ZCCHC8: variants seen among roughly 807,000 people sequenced by gnomAD.
The protein encoded by ZCCHC8 is zinc finger CCHC-type containing 8.
In ZCCHC8, 27 loss-of-function variants were observed where a neutral mutation model predicts 70.6. The observed-to-expected ratio is 0.38, with a 90% CI of 0.28 to 0.53. ZCCHC8 has a LOEUF of 0.53. Among genes scored for constraint, ZCCHC8 ranks in the 20% least tolerant of loss-of-function variants. The pLI, the probability that ZCCHC8 is intolerant of heterozygous loss-of-function variation, is 0.81. For synonymous variants in ZCCHC8, 293 were observed against 317.4 expected (o/e 0.92, Z 0.82); for missense variants, 737 against 876.9 (o/e 0.84, Z 2.01).
At chr12:122,490,627 G>C (rs1257964830) in intron 3 of ZCCHC8, 60 bp from the exon 4 acceptor site, 14 of 990,640 alleles carry the variant, frequency 1.4e-5, no homozygotes, top group Non-Finnish European at 1.8e-5. Context: ...ATAGACTGAA[G>C]TCTTATGCAT....
At chr12:122,493,271 TAC>T (rs1404748247) in intron 2 of ZCCHC8, among the ~76,000 whole-genome samples, 1 of 152,248 alleles carries the variant, frequency 6.6e-6, no homozygotes, top group East Asian at 1.9e-4. Context: ...AATAATTTTA[TAC>T]AGAGGTATCA....
Position 122,472,329 on chromosome 12 carries a change from TC to T in ZCCHC8, c.*1167del, listed in dbSNP as rs1287473835. 1 of 149,958 alleles carries T rather than the reference TC, an allele frequency of 6.7e-6. No homozygotes were observed. Among genetic ancestry groups the T allele is most frequent in the Non-Finnish European group, 1.5e-5 (1 of 67,684 alleles). 9.3% of individuals were successfully genotyped at this position (149,958 alleles called of 1,614,324 possible). A position where few individuals can be genotyped will look rare whatever the true frequency, so the allele number is the denominator to read the frequency against. ...TTCAAGTGATTCTCCTGCCTCAGCC[TC>T]CCGAGTAGCTGGGATTACAGGCATG... On this transcript the variant is annotated 3_prime_UTR_variant, in exon 14 of 14. Transcript: ENST00000633063.
chr12:122,496,098 T>C (rs1957822826), intron 2 of ZCCHC8, among the ~76,000 whole-genome samples: 1 of 151,898 alleles, frequency 6.6e-6, no homozygotes, highest in Admixed American at 6.6e-5. Context: ...GCCTGGGAGG[T>C]TGAGGCTGCA....
chr12:122,491,829 A>T (rs1489974043), intron 3 of ZCCHC8, among the ~76,000 whole-genome samples: 1 of 26,430 alleles, frequency 3.8e-5, no homozygotes, highest in African/African-American at 1.9e-4. Context: ...ACTCCATCTC[A>T]AAAAAAAAAA....
At chr12:122,489,255 T>C (rs942061254) in intron 5 of ZCCHC8, 131 bp downstream of exon 5, 7 of 769,928 alleles carry the variant, frequency 9.1e-6, no homozygotes, top group Admixed American at 3.0e-5. Context: ...AAACTGCTAT[T>C]TACCACAAAA....
chr12:122,500,804 A>T lies in ZCCHC8; in HGVS notation c.37T>A (p.Phe13Ile). ...TCCTCTGGGTGGTCGAACGGCTCGA[A>T]GAGCTCTAGATCGCCAAAATACACC... ...AEVYFGDLEL[F>I]EPFDHPEESI... The change falls in exon 1 of 14, where the codon TTC becomes ATC. Residue 13 changes from phenylalanine to isoleucine, a missense_variant. Physicochemically the swap from Phe to Ile is conservative, Grantham distance 21 (BLOSUM62 0). Transcript: ENST00000633063. The surrounding 1 kb of genome is among the most constrained non-coding windows in gnomAD (Gnocchi z 4.8). 6.3e-7 allele frequency: 1 copy of T among 1,580,852 alleles called. No individual in the cohort carries two copies. The highest frequency in any genetic ancestry group is 8.6e-7 in the Non-Finnish European group (1 of 1,164,416).
Position 122,483,108 on chromosome 12 carries a change from C to G in ZCCHC8, c.671+171G>C, listed in dbSNP as rs1417410197. 1.5e-6 allele frequency: 1 copy of G among 649,776 alleles called. No individual in the cohort carries two copies. The highest frequency in any genetic ancestry group is 1.8e-5 in the African/African-American group (1 of 54,572). 40.3% of individuals were successfully genotyped at this position (649,776 alleles called of 1,614,324 possible). ...GTGAGAACCAATGAATTCCAGGAAGCAGATGATTCATTTAAACATTTAACA... is the reference window on the plus strand; with the variant it reads ...GTGAGAACCAATGAATTCCAGGAAGGAGATGATTCATTTAAACATTTAACA... On this transcript the variant is annotated intron_variant, in intron 7 of 13. Transcript: ENST00000633063. The surrounding 1 kb of genome is among the most constrained non-coding windows in gnomAD (Gnocchi z 4.4).
chr12:122,500,382 C>T lies in ZCCHC8; in HGVS notation c.199+260G>A, dbSNP rs760172177. 7 of 517,236 alleles carry T rather than the reference C, an allele frequency of 1.4e-5. No homozygotes were observed. The highest frequency in any genetic ancestry group is 2.1e-5 in the Non-Finnish European group (6 of 290,222). 32.0% of individuals were successfully genotyped at this position (517,236 alleles called of 1,614,324 possible). A position where few individuals can be genotyped will look rare whatever the true frequency, so the allele number is the denominator to read the frequency against. ...GAGCAGCCTAAAATAACCCTAAACA[C>T]GGCACCCGGGTGGGAGGCAGGAGTG... is the stretch of plus-strand genomic sequence containing the variant. On this transcript the variant is annotated intron_variant, in intron 1 of 13. Transcript: ENST00000633063. This position sits in a 1 kb window ranked among gnomAD's most constrained non-coding sequence, Gnocchi z 4.8.
At chr12:122,477,052 G>A (rs551791308) in intron 13 of ZCCHC8, among the ~76,000 whole-genome samples, 62 of 151,864 alleles carry the variant, frequency 4.1e-4, no homozygotes, top group Non-Finnish European at 7.2e-4. Context: ...GAAAAACTTA[G>A]GGGAAATAAT....
At position 122,477,913 on chromosome 12, in the gene ZCCHC8, G is replaced by A. The variant is rs1593314147; in HGVS notation, c.1273C>T (p.Pro425Ser). Residue 425 changes from proline (P) to serine (S), a missense_variant, in exon 13 of 14, where the codon CCA becomes TCA. Physicochemically the swap from Pro to Ser is moderately conservative, Grantham distance 74 (BLOSUM62 -1). Coordinates refer to ENST00000633063, the MANE Select transcript of ZCCHC8 (RefSeq NM_017612.5). ...GNKRSSSHSS[P>S]GSPKKQKNES... ...TTCTTCTGCTTCTTTGGACTACCTG[G>A]GCTAGAGTGAGATGAAGACCTCTTG... is the stretch of plus-strand genomic sequence containing the variant. 4 of 1,613,784 alleles carry A rather than the reference G, an allele frequency of 2.5e-6. No individual in the cohort carries two copies. The highest frequency in any genetic ancestry group is 3.4e-6 in the Non-Finnish European group (4 of 1,179,882).
Position 122,500,730 on chromosome 12 carries a change from G to T in ZCCHC8, c.111C>A (p.Asp37Glu). The change falls in exon 1 of 14, where the codon GAC (aspartate) becomes GAA (glutamate). Residue 37 changes from aspartate to glutamate, a missense_variant. Coordinates refer to ENST00000633063, the MANE Select transcript of ZCCHC8 (RefSeq NM_017612.5). This position sits in a 1 kb window ranked among gnomAD's most constrained non-coding sequence, Gnocchi z 4.8. ...VHTRFKDDDGDEEDENGVGDA... is the reference protein window; with the variant it reads ...VHTRFKDDDGEEEDENGVGDA... ...CGCCGACCCCATTTTCGTCCTCCTC[G>T]TCGCCGTCGTCGTCCTTGAAGCGAG... 6.3e-7 allele frequency: 1 copy of T among 1,582,278 alleles called. No homozygotes were observed.
rs765756885 is a variant in ZCCHC8, at chr12:122,481,669, G to A, written c.876-5C>T. On this transcript the variant is annotated splice_region_variant and splice_polypyrimidine_tract_variant and intron_variant, in intron 9 of 13. Coordinates refer to ENST00000633063, the MANE Select transcript of ZCCHC8 (RefSeq NM_017612.5). The stretch of plus-strand genomic sequence containing the variant: ...AGTGCATCTTGAAGTTCCTCACTAA[G>A]TAAAAATAAAGGAGGAAGAAAAATA... 1.2e-6 allele frequency: 2 copies of A among 1,608,458 alleles called. No individual in the cohort carries two copies. Among genetic ancestry groups the A allele is most frequent in the East Asian group, 4.5e-5 (2 of 44,830 alleles).
intron 11 of ZCCHC8, chr12:122,478,626 C>T (rs1215160533): frequency 8.6e-6 from 2 of 233,782 alleles, no homozygotes; most frequent in East Asian, 2.1e-4. Context: ...GCACTGCTAA[C>T]AGGGCCATTC....
At chr12:122,491,905 G>A (rs1363897947) in intron 3 of ZCCHC8, among the ~76,000 whole-genome samples, 2 of 152,098 alleles carry the variant, frequency 1.3e-5, no homozygotes, top group Non-Finnish European at 2.9e-5. Flanking sequence ...ATGAGCTAGA[G>A]GGTTACTGAT....
chr12:122,473,978 G>C lies in ZCCHC8; in HGVS notation c.1643C>G (p.Pro548Arg), dbSNP rs1259536603. 6.3e-7 allele frequency: 1 copy of C among 1,599,670 alleles called. No homozygotes were observed. Among genetic ancestry groups the C allele is most frequent in the East Asian group, 2.2e-5 (1 of 44,804 alleles). Residue 548 changes from proline (P) to arginine (R), a missense_variant, in exon 14 of 14, where the codon CCT (proline) becomes CGT (arginine). Physicochemically the swap from Pro to Arg is moderately radical, Grantham distance 103. Coordinates refer to ENST00000633063, the MANE Select transcript of ZCCHC8 (RefSeq NM_017612.5). ...TGAGGCAACGGAATTGCCAGTTAAA[G>C]GTGTGTCCACAGGAACGTCGGAGTC... ...NSDSDVPVDT[P>R]LTGNSVASSP...
chr12:122,498,814 A>C lies in ZCCHC8; in HGVS notation c.242+13T>G. ...TAAGGGACAACTATGGAGTAATTTC[A>C]AAAATCTCATACCTCGGTCGAGTCA... On this transcript the variant is annotated intron_variant, in intron 2 of 13. Transcript: ENST00000633063. The C allele has an allele frequency of 6.2e-7, 1 of 1,612,672 alleles. No individual in the cohort carries two copies.
chr12:122,493,570 C>T (rs12828165), intron 2 of ZCCHC8, among the ~76,000 whole-genome samples: 71,757 of 151,438 alleles, frequency 0.47, 18,369 homozygotes, highest in Non-Finnish European at 0.56. Context: ...TATAGGCGAG[C>T]GCCACCACGC....
Position 122,498,885 on chromosome 12 carries a change from G to A in ZCCHC8, c.200-16C>T, listed in dbSNP as rs775817929. 2 of 1,610,296 alleles carry A rather than the reference G, an allele frequency of 1.2e-6. No homozygotes were observed. Among genetic ancestry groups the A allele is most frequent in the African/African-American group, 1.3e-5 (1 of 74,960 alleles). On this transcript the variant is annotated splice_polypyrimidine_tract_variant and intron_variant, in intron 1 of 13. Transcript: ENST00000633063. ...AGTTCTTGATGTTATTATTTGTTAA[G>A]GAAGATAAGCCCTCATTTAACAATG...
At position 122,483,674 on chromosome 12, in the gene ZCCHC8, GAAAT is replaced by G; in HGVS notation, c.502-115_502-112del. Reference sequence around the variant, plus strand: ...AATTTATTTTTGGATGGAATTATTAGAAATAATAACTTCCTTGTTATTAAGGAGC... The same window carrying G: ...AATTTATTTTTGGATGGAATTATTAGAATAACTTCCTTGTTATTAAGGAGC... On this transcript the variant is annotated intron_variant, in intron 5 of 13. Coordinates refer to ENST00000633063, the MANE Select transcript of ZCCHC8 (RefSeq NM_017612.5). The surrounding 1 kb of genome is among the most constrained non-coding windows in gnomAD (Gnocchi z 4.4). 1 of 908,572 alleles carries G rather than the reference GAAAT, an allele frequency of 1.1e-6. No individual in the cohort carries two copies. The highest frequency in any genetic ancestry group is 1.7e-6 in the Non-Finnish European group (1 of 600,904). 56.3% of individuals were successfully genotyped at this position (908,572 alleles called of 1,614,324 possible).
Sources: allele counts gnomAD v4.1 joint callset (sites outside exome capture counted in the v4.1 genomes callset), GRCh38; gene constraint gnomAD v4.1.1; non-coding constraint Gnocchi (gnomAD v3.1); transcripts MANE v1.5; gene names NCBI Gene and HGNC (gene_info 2026-07-23, HGNC 2026-07-21).